The following PCCA variants were observed in gnomAD, a reference collection of about 807,000 sequenced individuals.
PCCA encodes the protein propionyl-CoA carboxylase alpha chain, mitochondrial.
A neutral mutation model predicts 101.3 loss-of-function variants in PCCA; 74 were observed. The ratio of observed to expected loss-of-function variants is 0.73; its 90% CI spans 0.61 to 0.89. The LOEUF (loss-of-function observed/expected upper bound fraction) is 0.89, where lower values mean the gene tolerates loss of function less well. PCCA is among the 40% of genes least tolerant of loss of function. PCCA has a pLI of 0.00. For missense variants in PCCA, 891 were observed against 907.0 expected (o/e 0.98, Z 0.23); for synonymous variants, 294 against 313.6 (o/e 0.94, Z 0.66).
intron 6 of PCCA, among the ~76,000 whole-genome samples, chr13:100,163,415 A>G (rs1253385960): frequency 6.6e-6 from 1 of 152,066 alleles, no homozygotes; most frequent in African/African-American, 2.4e-5. Context: ...TATTCTTACT[A>G]TTTGCATGAT....
At chr13:100,160,107 A>G (rs900454757) in intron 6 of PCCA, among the ~76,000 whole-genome samples, 3 of 152,154 alleles carry the variant, frequency 2.0e-5, no homozygotes, top group Non-Finnish European at 2.9e-5. Context: ...AATTCCCCCA[A>G]TGTAAAAACA....
At chr13:100,472,464 C>T (rs116963482) in intron 21 of PCCA, among the ~76,000 whole-genome samples, 255 of 152,160 alleles carry the variant, frequency 1.7e-3, no homozygotes, top group Non-Finnish European at 2.8e-3. Flanking sequence ...GACTGAGTGC[C>T]GACGAGGAGA....
At chr13:100,089,334 G>T (rs1338138514) in intron 1 of PCCA, 109 bp downstream of exon 1, 11 of 1,304,114 alleles carry the variant, frequency 8.4e-6, no homozygotes, top group Non-Finnish European at 2.0e-6. Flanking sequence ...CTGCCCCCGC[G>T]CCCCGGTTCC....
intron 22 of PCCA, among the ~76,000 whole-genome samples, chr13:100,525,605 T>C (rs1363909111): frequency 6.6e-6 from 1 of 152,234 alleles, no homozygotes; most frequent in Non-Finnish European, 1.5e-5. Context: ...GCTAACGCAC[T>C]CACTTGAAGA....
At chr13:100,397,185 T>C (rs948783024) in intron 19 of PCCA, among the ~76,000 whole-genome samples, 1 of 152,210 alleles carries the variant, frequency 6.6e-6, no homozygotes, top group Non-Finnish European at 1.5e-5. Context: ...CCACTGTGTT[T>C]TCCTACCAAA....
intron 23 of PCCA, among the ~76,000 whole-genome samples, 178 bp downstream of exon 23, chr13:100,527,930 C>T (rs996076102): frequency 3.3e-5 from 5 of 152,160 alleles, no homozygotes; most frequent in Admixed American, 1.3e-4. Flanking sequence ...ATCCCTGCCT[C>T]GTAGAGAGCG....
chr13:100,277,287 T>G lies in PCCA; in HGVS notation c.1065+3941T>G, dbSNP rs1197719765. Among the ~76,000 whole-genome samples the G allele has an allele frequency of 3.3e-5, 5 of 152,198 alleles. No individual in the cohort carries two copies. The East Asian group carries it at 9.6e-4, about 29-fold the overall frequency. ...GGCCTCTTATCTTCGTGGTTATGCT[T>G]TTGATTTGTTGATGCCACCAAAAGT... On this transcript the variant is annotated intron_variant, in intron 12 of 23. Transcript: ENST00000376285.
intron 7 of PCCA, among the ~76,000 whole-genome samples, chr13:100,225,934 G>T (rs753168943): frequency 6.6e-6 from 1 of 152,074 alleles, no homozygotes; most frequent in Non-Finnish European, 1.5e-5. Flanking sequence ...TGAGTTTACA[G>T]GTGTGGGCTG....
intron 20 of PCCA, among the ~76,000 whole-genome samples, chr13:100,446,675 C>A (rs1244709222): frequency 1.3e-5 from 2 of 152,084 alleles, no homozygotes; most frequent in Non-Finnish European, 2.9e-5. Flanking sequence ...GGAAAGGAGT[C>A]TATTTTATTC....
Position 100,438,615 on chromosome 13 carries a change from T to C in PCCA, c.1846-10637T>C, listed in dbSNP as rs1416685854. ...TCTGGAGGATGCCTTTAATTGCCTCTGTAGAGCACGTACACCCTTTCCCTG... is the reference window on the plus strand; with the variant it reads ...TCTGGAGGATGCCTTTAATTGCCTCCGTAGAGCACGTACACCCTTTCCCTG... On this transcript the variant is annotated intron_variant, in intron 20 of 23. Transcript: ENST00000376285. Among the ~76,000 whole-genome samples the C allele has an allele frequency of 2.0e-5, 3 of 152,174 alleles. No individual in the cohort carries two copies. The South Asian group carries it at 6.2e-4, about 32-fold the overall frequency.
intron 18 of PCCA, among the ~76,000 whole-genome samples, chr13:100,351,795 G>A (rs1473623287): frequency 1.3e-5 from 2 of 152,130 alleles, no homozygotes; most frequent in African/African-American, 4.8e-5. Flanking sequence ...GAATTGGATA[G>A]ACCTCAGTTT....
At chr13:100,457,255 T>C (rs1393748727) in intron 21 of PCCA, among the ~76,000 whole-genome samples, 2 of 152,224 alleles carry the variant, frequency 1.3e-5, no homozygotes, top group African/African-American at 2.4e-5. Flanking sequence ...TTTAATATAC[T>C]GAAACAGTTT....
chr13:100,098,004 AC>A (rs2046929958), intron 1 of PCCA, among the ~76,000 whole-genome samples: 1 of 152,038 alleles, frequency 6.6e-6, no homozygotes, highest in Non-Finnish European at 1.5e-5. Flanking sequence ...AGTCTGGGCA[AC>A]ATAGTGAGAT....
chr13:100,332,792 C>A (rs1595396945), intron 17 of PCCA, among the ~76,000 whole-genome samples: 1 of 152,186 alleles, frequency 6.6e-6, no homozygotes, highest in Non-Finnish European at 1.5e-5. Context: ...TTGGACACCA[C>A]AATTTTGTTT....
chr13:100,520,620 G>A (rs1465019997), intron 22 of PCCA, among the ~76,000 whole-genome samples: 2 of 130,978 alleles, frequency 1.5e-5, no homozygotes, highest in African/African-American at 3.0e-5. Flanking sequence ...GGGCGACAGA[G>A]CGAGACTCCG....
Position 100,458,204 on chromosome 13 carries a change from G to T in PCCA, c.1899+8899G>T, listed in dbSNP as rs748251528. ...TGTTTAAAAATTGTGGCCAAGCATG[G>T]TGGCTCATGCCTGTAATCCCAGCTA... On this transcript the variant is annotated intron_variant, in intron 21 of 23. Coordinates refer to ENST00000376285, the MANE Select transcript of PCCA (RefSeq NM_000282.4). Among the ~76,000 whole-genome samples the T allele has an allele frequency of 6.5e-4, 99 of 151,724 alleles. 1 individual carries two copies. Among genetic ancestry groups the T allele is most frequent in the Admixed American group, 6.4e-3 (97 of 15,198 alleles).
rs200007489 is a variant in PCCA, at chr13:100,530,222, TTCAC to T, written c.*57_*60del. The T allele has an allele frequency of 3.1e-3, 4,044 of 1,322,184 alleles. 98 individuals are homozygous for T. The African/African-American group carries it at 0.049, about 16-fold the overall frequency. The allele number at this position is 1,322,184 out of a possible 1,614,324, so 81.9% of individuals were successfully genotyped here. A position where few individuals can be genotyped will look rare whatever the true frequency, so the allele number is the denominator to read the frequency against. On this transcript the variant is annotated 3_prime_UTR_variant, in exon 24 of 24. Coordinates refer to ENST00000376285, the MANE Select transcript of PCCA (RefSeq NM_000282.4). ...TTTAATTAGCCATTTGCATGATGCT[TTCAC>T]ACACAATTGATTCAAGCATTATACA...
intron 18 of PCCA, among the ~76,000 whole-genome samples, chr13:100,341,979 A>ATATATATATATATATATATATATG (rs966272516): frequency 2.6e-4 from 30 of 114,502 alleles, no homozygotes; most frequent in East Asian, 1.8e-3. Context: ...ATATATATAT[A>ATATATATATATATATATATATATG]TATGTATTTA....
chr13:100,362,789 T>A (rs2074760271), intron 18 of PCCA, among the ~76,000 whole-genome samples: 1 of 152,258 alleles, frequency 6.6e-6, no homozygotes, highest in Non-Finnish European at 1.5e-5. Flanking sequence ...GGGTGTTCCC[T>A]GTTTCTCAGC....
Sources: gnomAD v4.1 joint callset for allele counts (sites outside exome capture counted in the v4.1 genomes callset) on GRCh38, gnomAD v4.1.1 for gene constraint, MANE v1.5 for transcripts, NCBI Gene and HGNC (gene_info 2026-07-23, HGNC 2026-07-21) for gene names.